ACACA: variants seen among roughly 807,000 people sequenced by gnomAD.
ACACA encodes the protein acetyl-CoA carboxylase 1.
In ACACA, 103 loss-of-function variants were observed where a neutral mutation model predicts 296.1. The ratio of observed to expected loss-of-function variants is 0.35; its 90% confidence interval spans 0.30 to 0.41. The LOEUF is 0.41. Among genes scored for constraint, ACACA ranks in the 10% least tolerant of loss-of-function variants. The probability of loss-of-function intolerance (pLI) is 1.00; values close to 1 mark genes in which losing one functional copy is unlikely to be tolerated. For synonymous variants in ACACA, 953 were observed against 1,038.6 expected, an observed-to-expected ratio of 0.92 and a Z score of 1.58; for missense variants, 1,554 against 2,989.7, an observed-to-expected ratio of 0.52 and a Z score of 11.20.
chr17:37,380,663 T>C (rs958704467), intron 1 of ACACA, among the ~76,000 whole-genome samples: 7 of 152,102 alleles, frequency 4.6e-5, no homozygotes, highest in African/African-American at 1.7e-4. Context: ...AGTGGTGCGA[T>C]CTTGGCCCAC....
chr17:37,385,910 TG>T, intron 1 of ACACA: 2 of 765,388 alleles, frequency 2.6e-6, no homozygotes, highest in East Asian at 5.5e-5. Flanking sequence ...GGACCACAAT[TG>T]GAAGTTTACT....
At chr17:37,172,048 G>A (rs76381108) in intron 41 of ACACA, among the ~76,000 whole-genome samples, 2,207 of 152,208 alleles carry the variant, frequency 0.014, 48 homozygotes, top group South Asian at 0.1. Context: ...ATCTGTTGCT[G>A]TCCTGATGTT....
At chr17:37,174,012 A>ATTTTTTTT (rs1339330288) in intron 41 of ACACA, among the ~76,000 whole-genome samples, 1 of 12,472 alleles carries the variant, frequency 8.0e-5, no homozygotes, top group Admixed American at 1.6e-3. Context: ...ATATATATAT[A>ATTTTTTTT]TATATATATT....
intron 29 of ACACA, among the ~76,000 whole-genome samples, chr17:37,212,610 G>A (rs903689146): frequency 1.3e-5 from 2 of 151,520 alleles, no homozygotes; most frequent in African/African-American, 2.4e-5. Context: ...TAAATATTTG[G>A]TCATGTCCAT....
At chr17:37,106,378 A>G (rs1385521701) in intron 52 of ACACA, among the ~76,000 whole-genome samples, 2 of 152,114 alleles carry the variant, frequency 1.3e-5, no homozygotes, top group African/African-American at 2.4e-5. Context: ...CCCCATTTTC[A>G]TATATCTGCT....
chr17:37,387,937 G>A (rs759466512), intron 1 of ACACA: 2 of 152,148 alleles, frequency 1.3e-5, no homozygotes, highest in Non-Finnish European at 2.9e-5. Context: ...GGCCAAGACT[G>A]TAGGATCACT....
chr17:37,280,766 A>C (rs1365502677), intron 5 of ACACA, among the ~76,000 whole-genome samples: 7 of 112,088 alleles, frequency 6.2e-5, no homozygotes, highest in African/African-American at 2.5e-4. Flanking sequence ...CACACACCCC[A>C]AAAAACACAT....
At chr17:37,168,257 A>G (rs2076757668) in intron 41 of ACACA, among the ~76,000 whole-genome samples, 2 of 152,208 alleles carry the variant, frequency 1.3e-5, no homozygotes, top group Non-Finnish European at 1.5e-5. Context: ...AACTTCATCA[A>G]TTGAAAAGCA....
rs927264182 is a variant in ACACA, at chr17:37,256,573, A to G, written c.1826+1130T>C. Reference sequence around the variant, plus strand: ...CAAAGGGAGACCCCATCTCTACAAAAAATTTAAAATTTGCTGGACATGATG... The same window carrying G: ...CAAAGGGAGACCCCATCTCTACAAAGAATTTAAAATTTGCTGGACATGATG... On this transcript the variant is annotated intron_variant, in intron 14 of 55. Transcript: ENST00000616317. Among the ~76,000 whole-genome samples, 5 of 152,156 alleles carry G rather than the reference A, an allele frequency of 3.3e-5. No homozygotes were observed. The East Asian group carries it at 9.6e-4, about 29-fold the overall frequency.
intron 39 of ACACA, among the ~76,000 whole-genome samples, chr17:37,183,892 G>A (rs1460317723): frequency 8.9e-6 from 1 of 112,344 alleles, no homozygotes; most frequent in Non-Finnish European, 1.7e-5. Flanking sequence ...CACTCTTGTT[G>A]CCCAGGCTGG....
intron 1 of ACACA, among the ~76,000 whole-genome samples, chr17:37,363,252 G>A (rs1309505414): frequency 7.4e-6 from 1 of 135,812 alleles, no homozygotes; most frequent in East Asian, 2.3e-4. Context: ...GCACGATCTC[G>A]GCTCACTGCA....
At chr17:37,256,400 G>A (rs558832000) in intron 14 of ACACA, among the ~76,000 whole-genome samples, 2 of 152,058 alleles carry the variant, frequency 1.3e-5, no homozygotes, top group Non-Finnish European at 2.9e-5. Context: ...AAATGTAAAG[G>A]ACAAAATAGA....
chr17:37,188,663 G>T (rs752191542), intron 38 of ACACA, among the ~76,000 whole-genome samples, 183 bp from the exon 39 acceptor site: 2 of 152,070 alleles, frequency 1.3e-5, no homozygotes, highest in African/African-American at 2.4e-5. Flanking sequence ...GAACAAGTCA[G>T]GGACAATTTC....
In ACACA at chr17:37,330,304, C is replaced by T; in HGVS notation, c.207G>A (p.Glu69=). The change falls in exon 3 of 56, where the codon GAG becomes GAA. Residue 69 remains glutamate (E), a synonymous_variant. Transcript: ENST00000616317. ...GGTCCAACTTCACCAGGTTGCTGAT[C>T]TCATCCTCTGAGTTATCTTCAGACA... The part of the protein sequence containing the change: ...GSVSEDNSED[E]ISNLVKLDLL... 6.2e-7 allele frequency: 1 copy of T among 1,614,226 alleles called. No homozygotes were observed. Among genetic ancestry groups the T allele is most frequent in the Non-Finnish European group, 8.5e-7 (1 of 1,180,036 alleles).
rs2079548809 is a variant in ACACA, at chr17:37,226,457, T to C, written c.3247-5A>G. The C allele has an allele frequency of 6.2e-7, 1 of 1,608,584 alleles. No individual in the cohort carries two copies. On this transcript the variant is annotated splice_polypyrimidine_tract_variant and splice_region_variant and intron_variant, in intron 25 of 55. Transcript: ENST00000616317. ...GTCCCGGCCACACAACTGATCCTAATTGTTAATGTAAAAAAGAACATAGAT... is the reference window on the plus strand; with the variant it reads ...GTCCCGGCCACACAACTGATCCTAACTGTTAATGTAAAAAAGAACATAGAT...
intron 3 of ACACA, among the ~76,000 whole-genome samples, chr17:37,305,834 T>C (rs1009409362): frequency 6.6e-6 from 1 of 151,372 alleles, no homozygotes; most frequent in African/African-American, 2.4e-5. Context: ...GAAAGGGGAA[T>C]AGGAACAATC....
intron 3 of ACACA, among the ~76,000 whole-genome samples, chr17:37,319,346 AAC>A (rs1305473049): frequency 6.6e-6 from 1 of 152,276 alleles, no homozygotes; most frequent in African/African-American, 2.4e-5. Flanking sequence ...CAGATTATAA[AAC>A]AGTGTGTACA....
chr17:37,331,635 T>C (rs571083764), intron 2 of ACACA, among the ~76,000 whole-genome samples: 25 of 152,222 alleles, frequency 1.6e-4, no homozygotes, highest in African/African-American at 5.8e-4. Context: ...CTTGAACTCC[T>C]GATCTCATGA....
intron 1 of ACACA, chr17:37,375,860 G>A (rs541932289): frequency 4.3e-6 from 2 of 464,964 alleles, no homozygotes; most frequent in African/African-American, 2.0e-5. Context: ...CACCGGCAGC[G>A]AAGTCAGAAG....
Sources: gnomAD v4.1 joint callset for allele counts (sites outside exome capture counted in the v4.1 genomes callset) on GRCh38, gnomAD v4.1.1 for gene constraint, MANE v1.5 for transcripts, NCBI Gene and HGNC (gene_info 2026-07-23, HGNC 2026-07-21) for gene names.